The following ZC3H12C variants were observed in gnomAD, a reference collection of about 807,000 sequenced individuals.
ZC3H12C encodes probable ribonuclease ZC3H12C.
ZC3H12C carries 20 observed loss-of-function variants against 76.3 expected under a neutral mutation model. The ratio of observed to expected loss-of-function variants is 0.26; its 90% CI spans 0.18 to 0.38. ZC3H12C has a LOEUF of 0.38. Among genes scored for constraint, ZC3H12C ranks in the 10% least tolerant of loss-of-function variants. ZC3H12C has a pLI of 1.00. For synonymous variants in ZC3H12C, 352 were observed against 399.6 expected, an observed-to-expected ratio of 0.88 and a Z score of 1.42; for missense variants, 874 against 1,086.5, an observed-to-expected ratio of 0.80 and a Z score of 2.75.
rs959175504 is a variant in ZC3H12C, at chr11:110,165,573, G to T, written c.2488G>T (p.Asp830Tyr). Residue 830 changes from aspartate to tyrosine, a missense_variant, in exon 6 of 6, where the codon GAT (aspartate) becomes TAT (tyrosine). Around this residue, in one of 3 missense-constraint regions of ZC3H12C, gnomAD observed 395 missense variants for 434.4 expected, o/e 0.91. Transcript: ENST00000278590. The stretch of plus-strand genomic sequence containing the variant: ...GATCCCATACTGTGGAATGCCGCAA[G>T]ATCCCCCGAGGTATCAAGACAACCG... ...WRIPYCGMPQ[D>Y]PPRYQDNREK... The T allele has an allele frequency of 6.2e-7, 1 of 1,612,362 alleles. No individual in the cohort carries two copies. Among genetic ancestry groups the T allele is most frequent in the African/African-American group, 1.3e-5 (1 of 74,898 alleles).
rs559957728 is a variant in ZC3H12C at position 110,170,997 on chromosome 11, T to C, written c.*5260T>C. On this transcript the variant is annotated 3_prime_UTR_variant, in exon 6 of 6. Transcript: ENST00000278590. ...AAGACAATTTAAGGTATTGGCCATTTGGCAGTAGAAAATGTGCATGTTTTA... is the reference window on the plus strand; with the variant it reads ...AAGACAATTTAAGGTATTGGCCATTCGGCAGTAGAAAATGTGCATGTTTTA... 6.6e-6 allele frequency: 1 copy of C among 152,356 alleles called. No homozygotes were observed. Among genetic ancestry groups the C allele is most frequent in the Non-Finnish European group, 1.5e-5 (1 of 68,020 alleles). 9.4% of individuals were successfully genotyped at this position (152,356 alleles called of 1,614,324 possible). A position where few individuals can be genotyped will look rare whatever the true frequency, so the allele number is the denominator to read the frequency against.
intron 1 of ZC3H12C, among the ~76,000 whole-genome samples, chr11:110,124,536 T>C (rs552736097): frequency 6.6e-6 from 1 of 152,292 alleles, no homozygotes; most frequent in Non-Finnish European, 1.5e-5. Flanking sequence ...TACAGAAGTT[T>C]GAAGGAATTG....
intron 1 of ZC3H12C, 196 bp from the exon 2 acceptor site, chr11:110,136,467 G>A: frequency 1.7e-6 from 1 of 578,258 alleles, no homozygotes; most frequent in Non-Finnish European, 3.0e-6. Flanking sequence ...GAATTACATG[G>A]CCTTTCTAAT....
intron 2 of ZC3H12C, among the ~76,000 whole-genome samples, chr11:110,139,754 A>G (rs1862035594): frequency 6.6e-6 from 1 of 152,224 alleles, no homozygotes; most frequent in Non-Finnish European, 1.5e-5. Flanking sequence ...CCATGCCTGT[A>G]TACCAGAATT....
chr11:110,104,906 G>T (rs1861294803), intron 1 of ZC3H12C, among the ~76,000 whole-genome samples: 1 of 152,154 alleles, frequency 6.6e-6, no homozygotes, highest in Non-Finnish European at 1.5e-5. Context: ...CTGAGTAATT[G>T]AAATAATCAG....
chr11:110,130,865 C>G (rs865824725), intron 1 of ZC3H12C: 9 of 619,806 alleles, frequency 1.5e-5, no homozygotes, highest in Non-Finnish European at 1.9e-5. Context: ...TAGAAACCTA[C>G]GAACCTGACG....
At chr11:110,110,061 G>T (rs567854825) in intron 1 of ZC3H12C, among the ~76,000 whole-genome samples, 2 of 152,050 alleles carry the variant, frequency 1.3e-5, no homozygotes, top group African/African-American at 4.8e-5. Flanking sequence ...AAATTATTAC[G>T]TGAATACCTG....
chr11:110,158,077 T>G (rs895433053), intron 3 of ZC3H12C, among the ~76,000 whole-genome samples: 1 of 152,088 alleles, frequency 6.6e-6, no homozygotes, highest in African/African-American at 2.4e-5. Flanking sequence ...CTTACAATGG[T>G]GGGAAAATGG....
chr11:110,122,114 G>A (rs568115923), intron 1 of ZC3H12C, among the ~76,000 whole-genome samples: 1 of 152,210 alleles, frequency 6.6e-6, no homozygotes, highest in South Asian at 2.1e-4. Context: ...TCCTCATTTG[G>A]TACAAGCAGC....
At chr11:110,159,028 T>C (rs7104496) in intron 3 of ZC3H12C, among the ~76,000 whole-genome samples, 36,771 of 86,580 alleles carry the variant, frequency 0.42, 4,399 homozygotes, top group Middle Eastern at 0.53. Context: ...AATTTTATAC[T>C]GTTCGTATTT....
rs148871929 is a variant in ZC3H12C, at chr11:110,112,443, C to T, written c.21+19011C>T. On this transcript the variant is annotated intron_variant, in intron 1 of 5. Transcript: ENST00000278590. The stretch of plus-strand genomic sequence containing the variant: ...TGGGCTCAAGCAGTCTTCCTGCCTC[C>T]GCCTCCCAAAGTGCTGGGATTATAG... Among the ~76,000 whole-genome samples the T allele has an allele frequency of 1.0e-3, 156 of 152,220 alleles. 1 individual carries two copies. In the Middle Eastern group the frequency reaches 0.017, roughly 17 times the overall value.
Position 110,166,124 on chromosome 11 carries a change from A to G in ZC3H12C, c.*387A>G, listed in dbSNP as rs944159160. The G allele has an allele frequency of 1.2e-5, 2 of 172,040 alleles. No individual in the cohort carries two copies. The highest frequency in any genetic ancestry group is 4.8e-5 in the African/African-American group (2 of 41,760). The allele number at this position is 172,040 out of a possible 1,614,324, so 10.7% of individuals were successfully genotyped here. On this transcript the variant is annotated 3_prime_UTR_variant, in exon 6 of 6. Transcript: ENST00000278590. The stretch of plus-strand genomic sequence containing the variant: ...TTGTCTATCAATTGCAAGCAATTAC[A>G]ATACCTTCAGAATGTGGGACATTTG...
At chr11:110,125,304 TGTGTGTGTGTGTGTG>T in intron 1 of ZC3H12C, among the ~76,000 whole-genome samples, 1 of 146,336 alleles carries the variant, frequency 6.8e-6, no homozygotes, top group South Asian at 2.1e-4. Flanking sequence ...TGTGTGTGTG[TGTGTGTGTGTGTGTG>T]TGGTTTTTTT....
At position 110,165,385 on chromosome 11, in the gene ZC3H12C, C is replaced by G. The variant is rs565451136; in HGVS notation, c.2300C>G (p.Pro767Arg). Residue 767 changes from proline (P) to arginine (R), a missense_variant, in exon 6 of 6, where the codon CCT becomes CGT. Transcript: ENST00000278590. ...YDSSPSRQRK[P>R]YSRQEGLGSW... Reference sequence around the variant, plus strand: ...AGTTCTCCTTCACGACAAAGAAAGCCTTATTCCCGCCAGGAAGGCCTGGGA... The same window carrying G: ...AGTTCTCCTTCACGACAAAGAAAGCGTTATTCCCGCCAGGAAGGCCTGGGA... The G allele has an allele frequency of 1.6e-5, 26 of 1,614,024 alleles. No homozygotes were observed. In the South Asian group the frequency reaches 2.6e-4, roughly 16 times the overall value.
chr11:110,109,524 T>C (rs2134152075), intron 1 of ZC3H12C, among the ~76,000 whole-genome samples: 1 of 152,336 alleles, frequency 6.6e-6, no homozygotes, highest in East Asian at 1.9e-4. Context: ...ATTCATTCCT[T>C]CATCATTCAT....
intron 4 of ZC3H12C, among the ~76,000 whole-genome samples, chr11:110,161,991 G>A (rs953375884): frequency 3.3e-5 from 5 of 152,114 alleles, no homozygotes; most frequent in Non-Finnish European, 7.4e-5. Context: ...AAAATTAGCT[G>A]GGCATAGTGG....
chr11:110,170,428 A>G lies in ZC3H12C; in HGVS notation c.*4691A>G, dbSNP rs1591491369. ...GCTTCTAATAAATAACATATCTGCC[A>G]TTCTTTAAAAATGATTTTAAAGAAG... is the stretch of plus-strand genomic sequence containing the variant. On this transcript the variant is annotated 3_prime_UTR_variant, in exon 6 of 6. Coordinates refer to ENST00000278590, the MANE Select transcript of ZC3H12C (RefSeq NM_033390.2). 6.6e-6 allele frequency: 1 copy of G among 152,186 alleles called. No homozygotes were observed. Among genetic ancestry groups the G allele is most frequent in the South Asian group, 2.1e-4 (1 of 4,830 alleles). The allele number at this position is 152,186 out of a possible 1,614,324, so 9.4% of individuals were successfully genotyped here.
chr11:110,162,243 T>TA (rs1222929088), intron 4 of ZC3H12C, among the ~76,000 whole-genome samples: 8 of 152,260 alleles, frequency 5.3e-5, no homozygotes, highest in South Asian at 2.1e-4. Flanking sequence ...TAAAGCCATG[T>TA]AAAATGATGT....
intron 1 of ZC3H12C, among the ~76,000 whole-genome samples, chr11:110,097,695 A>G (rs1835490470): frequency 6.6e-6 from 1 of 152,236 alleles, no homozygotes; most frequent in Admixed American, 6.5e-5. Flanking sequence ...TGAGGGTTCC[A>G]ATTAATTTAG....
Sources: allele counts gnomAD v4.1 joint callset (sites outside exome capture counted in the v4.1 genomes callset), GRCh38; gene constraint gnomAD v4.1.1; regional missense constraint gnomAD v4.1.1; transcripts MANE v1.5; gene names NCBI Gene and HGNC (gene_info 2026-07-23, HGNC 2026-07-21).